The following CASP5 variants were observed in gnomAD, a reference collection of about 807,000 sequenced individuals.
The protein encoded by CASP5 is caspase-5.
CASP5 carries 42 observed loss-of-function variants against 45.2 expected under a neutral mutation model. The observed-to-expected ratio is 0.93, with a 90% CI of 0.73 to 1.20. CASP5 has a LOEUF of 1.20. CASP5 is among the 50% of genes most tolerant of loss of function. The probability of loss-of-function intolerance (pLI) is 0.00; values close to 1 mark genes in which losing one functional copy is unlikely to be tolerated. For missense variants in CASP5, 512 were observed against 532.2 expected, an observed-to-expected ratio of 0.96 and a Z score of 0.37; for synonymous variants, 209 against 186.2, an observed-to-expected ratio of 1.12 and a Z score of -1.00.
intron 8 of CASP5, among the ~76,000 whole-genome samples, chr11:104,996,622 A>G (rs1374399435): frequency 6.6e-6 from 1 of 152,166 alleles, no homozygotes; most frequent in Non-Finnish European, 1.5e-5. Flanking sequence ...TCATGCATCT[A>G]TTTATTCAAT....
chr11:105,010,040 T>C (rs1862260456), intron 1 of CASP5, among the ~76,000 whole-genome samples: 1 of 150,534 alleles, frequency 6.6e-6, no homozygotes, highest in African/African-American at 2.4e-5. Flanking sequence ...CTCTCTTCTG[T>C]TAACTCTATA....
chr11:105,005,352 A>ATG (rs1179015755), intron 3 of CASP5, among the ~76,000 whole-genome samples: 1 of 131,918 alleles, frequency 7.6e-6, no homozygotes, highest in Admixed American at 8.5e-5. Flanking sequence ...GTGTGTATAT[A>ATG]TATATGTGTG....
At position 105,007,290 on chromosome 11, in the gene CASP5, C is replaced by A; in HGVS notation, c.226G>T (p.Gly76Cys). The A allele has an allele frequency of 1.2e-6, 2 of 1,608,914 alleles. No individual in the cohort carries two copies. Residue 76 changes from glycine to cysteine, a missense_variant, in exon 3 of 10, where the codon GGC becomes TGC. By Grantham distance (159) the Gly-to-Cys change is radical (BLOSUM62 -3). Transcript: ENST00000260315. The part of the protein sequence containing the change: ...KKTVKMLEYL[G>C]KDVLHGVFNY... ...AAAACACCATGAAGAACATCTTTGC[C>A]CAGGTATTCCAACATCTTAACTGTT...
intron 1 of CASP5, among the ~76,000 whole-genome samples, chr11:105,011,040 A>G (rs979322631): frequency 6.6e-6 from 1 of 151,730 alleles, no homozygotes; most frequent in Non-Finnish European, 1.5e-5. Context: ...TGCTTAAGGA[A>G]CTCAGAAAAG....
At chr11:105,022,810 A>G (rs1863041343) in intron 1 of CASP5, among the ~76,000 whole-genome samples, 1 of 152,172 alleles carries the variant, frequency 6.6e-6, no homozygotes, top group South Asian at 2.1e-4. Flanking sequence ...AGAAGATTTC[A>G]GAGTGCATTT....
In CASP5 at chr11:105,008,843, C is replaced by G; in HGVS notation, c.145G>C (p.Val49Leu). The change falls in exon 2 of 10, where the codon GTA becomes CTA. Residue 49 changes from valine to leucine, a missense_variant. By Grantham distance (32) the Val-to-Leu change is conservative. Transcript: ENST00000260315. ...VAGQTSIQTL[V>L]PNTDQKSTSV... Reference sequence around the variant, plus strand: ...GTCGACTTTTGATCCGTATTAGGTACTAGGGTCTGGATAGATGTTTGTCCA... The same window carrying G: ...GTCGACTTTTGATCCGTATTAGGTAGTAGGGTCTGGATAGATGTTTGTCCA... 6.2e-7 allele frequency: 1 copy of G among 1,613,038 alleles called. No homozygotes were observed. The highest frequency in any genetic ancestry group is 8.5e-7 in the Non-Finnish European group (1 of 1,179,322).
At chr11:105,009,255 G>T (rs1187117479) in intron 1 of CASP5, among the ~76,000 whole-genome samples, 1 of 151,596 alleles carries the variant, frequency 6.6e-6, no homozygotes, top group African/African-American at 2.4e-5. Flanking sequence ...TAAATTCCTG[G>T]TCATCCATTG....
chr11:105,006,975 A>T, intron 3 of CASP5, 108 bp downstream of exon 3: 1 of 944,234 alleles, frequency 1.1e-6, no homozygotes, highest in Non-Finnish European at 1.6e-6. Context: ...TGAAAATGAG[A>T]GTTTAGAAAT....
intron 1 of CASP5, 65 bp downstream of exon 1, chr11:105,023,065 A>T: frequency 6.8e-7 from 1 of 1,471,722 alleles, no homozygotes; most frequent in Non-Finnish European, 9.3e-7. Context: ...GTCACATAGC[A>T]ATAAATCAAG....
rs5794366 is a variant in CASP5 at position 105,005,356 on chromosome 11, A to ATGTGTGTGTGTG, written c.433+1715_433+1726dup. On this transcript the variant is annotated intron_variant, in intron 3 of 9. Coordinates refer to ENST00000260315, the MANE Select transcript of CASP5 (RefSeq NM_004347.5). Reference sequence around the variant, plus strand: ...ATCGGTATATAGTGTGTATATATATATGTGTGTGTGTGTGTGTGTGTGTGT... The same window carrying ATGTGTGTGTGTG: ...ATCGGTATATAGTGTGTATATATATATGTGTGTGTGTGTGTGTGTGTGTGTGTGTGTGTGTGT... Among the ~76,000 whole-genome samples the ATGTGTGTGTGTG allele has an allele frequency of 3.7e-3, 514 of 139,336 alleles. 3 individuals carry two copies. Among genetic ancestry groups the ATGTGTGTGTGTG allele is most frequent in the Non-Finnish European group, 6.2e-3 (407 of 65,790 alleles). 91.4% of individuals were successfully genotyped at this position (139,336 alleles called of 152,430 possible).
chr11:104,998,849 C>T (rs769023333), intron 7 of CASP5, 36 bp downstream of exon 7: 51 of 1,601,270 alleles, frequency 3.2e-5, no homozygotes, highest in Middle Eastern at 1.7e-4. Context: ...GGCCTCAGCA[C>T]CCCCAAATTT....
chr11:104,997,615 CA>C (rs1861525873), intron 7 of CASP5, 123 bp from the exon 8 acceptor site: 1 of 553,942 alleles, frequency 1.8e-6, no homozygotes, highest in African/African-American at 1.9e-5. Context: ...TATAACCAAA[CA>C]TTTACTTAGG....
At chr11:104,996,826 T>C (rs1422916220) in intron 8 of CASP5, among the ~76,000 whole-genome samples, 1 of 152,192 alleles carries the variant, frequency 6.6e-6, no homozygotes, top group Non-Finnish European at 1.5e-5. Context: ...GAATAAGGAA[T>C]GTCCCAAGTT....
intron 6 of CASP5, 106 bp from the exon 7 acceptor site, chr11:104,999,134 T>C: frequency 1.1e-6 from 1 of 935,638 alleles, no homozygotes; most frequent in Non-Finnish European, 1.6e-6. Context: ...CCATTGTGGT[T>C]TGCTGCACCT....
Position 105,000,479 on chromosome 11 carries a change from A to G in CASP5, c.734T>C (p.Leu245Pro), listed in dbSNP as rs1861673296. The G allele has an allele frequency of 6.2e-7, 1 of 1,614,042 alleles. No individual in the cohort carries two copies. Among genetic ancestry groups the G allele is most frequent in the Admixed American group, 1.7e-5 (1 of 60,004 alleles). Residue 245 changes from leucine (L) to proline (P), a missense_variant, in exon 6 of 10, where the codon CTG becomes CCG. By Grantham distance (98) the Leu-to-Pro change is moderately conservative (BLOSUM62 -3). Coordinates refer to ENST00000260315, the MANE Select transcript of CASP5 (RefSeq NM_004347.5). ...CTCTGGTCTGGCAGCAAATGCCCTC[A>G]GCACTGACTCCATATCCTATAAAAG... ...NLTARDMESV[L>P]RAFAARPEHK... is the part of the protein sequence containing the mutation.
intron 1 of CASP5, among the ~76,000 whole-genome samples, chr11:105,019,234 C>A (rs1196317416): frequency 1.3e-5 from 2 of 150,776 alleles, no homozygotes; most frequent in East Asian, 3.9e-4. Flanking sequence ...CCTAACATCA[C>A]AATTAAAGGA....
chr11:105,023,151 G>A lies in CASP5; in HGVS notation c.-15C>T. On this transcript the variant is annotated 5_prime_UTR_variant, in exon 1 of 10. Coordinates refer to ENST00000260315, the MANE Select transcript of CASP5 (RefSeq NM_004347.5). ...TCACCAGCCATAGCTAACAGCCTCT[G>A]TCTCTTTGTACAGCACTGGAAAGTG... is the stretch of plus-strand genomic sequence containing the variant. The A allele has an allele frequency of 6.4e-7, 1 of 1,551,024 alleles. No homozygotes were observed. Among genetic ancestry groups the A allele is most frequent in the Non-Finnish European group, 8.7e-7 (1 of 1,146,326 alleles).
In CASP5 at chr11:105,023,165, C is replaced by A. The variant is rs1014784288; in HGVS notation, c.-29G>T. ...TAACAGCCTCTGTCTCTTTGTACAG[C>A]ACTGGAAAGTGCCTCAGACTCAGAG... is the stretch of plus-strand genomic sequence containing the variant. On this transcript the variant is annotated 5_prime_UTR_variant, in exon 1 of 10. Coordinates refer to ENST00000260315, the MANE Select transcript of CASP5 (RefSeq NM_004347.5). 1 of 1,550,264 alleles carries A rather than the reference C, an allele frequency of 6.5e-7. No individual in the cohort carries two copies. The highest frequency in any genetic ancestry group is 1.4e-5 in the African/African-American group (1 of 72,956).
At chr11:105,003,848 T>TA (rs1359845675) in intron 3 of CASP5, among the ~76,000 whole-genome samples, 5 of 150,992 alleles carry the variant, frequency 3.3e-5, no homozygotes, top group Non-Finnish European at 5.9e-5. Context: ...TTACAAAAGG[T>TA]AAAAATAATT....
Sources: gnomAD v4.1 joint callset for allele counts (sites outside exome capture counted in the v4.1 genomes callset) on GRCh38, gnomAD v4.1.1 for gene constraint, MANE v1.5 for transcripts, NCBI Gene and HGNC (gene_info 2026-07-23, HGNC 2026-07-21) for gene names.